Variants in DLD observed in about 807,000 individuals in gnomAD.
DLD encodes the protein dihydrolipoyl dehydrogenase, mitochondrial.
DLD carries 36 observed loss-of-function variants against 62.2 expected under a neutral mutation model. The observed-to-expected ratio is 0.58, with a 90% CI of 0.44 to 0.76. DLD has a LOEUF of 0.76. Ranked by LOEUF, DLD falls within the 30% of genes least tolerant of loss-of-function variation. The pLI is 0.00. For synonymous variants in DLD, 204 were observed against 199.6 expected (o/e 1.02, Z -0.19); for missense variants, 541 against 608.6 (o/e 0.89, Z 1.17).
At position 107,893,223 on chromosome 7, in the gene DLD, T is replaced by C; in HGVS notation, c.63T>C (p.Ser21=). The change falls in exon 2 of 14, where the codon TCT becomes TCC. Residue 21 remains serine (S), a synonymous_variant. Transcript: ENST00000205402. ...AGAGAGGCCATTTCAATCGAATATC[T>C]CATGGCCTACAGGGACTTTCTGCAG... is the stretch of plus-strand genomic sequence containing the variant. ...LAKRGHFNRI[S]HGLQGLSAVP... 6.2e-7 allele frequency: 1 copy of C among 1,613,750 alleles called. No individual in the cohort carries two copies. The highest frequency in any genetic ancestry group is 8.5e-7 in the Non-Finnish European group (1 of 1,179,792).
At chr7:107,893,840 A>G (rs958950875) in intron 2 of DLD, among the ~76,000 whole-genome samples, 1 of 152,206 alleles carries the variant, frequency 6.6e-6, no homozygotes, top group South Asian at 2.1e-4. Context: ...AGTAGTTTGG[A>G]TTATACTCCA....
At chr7:107,911,047 G>A (rs1377428087) in intron 8 of DLD, among the ~76,000 whole-genome samples, 1 of 152,048 alleles carries the variant, frequency 6.6e-6, no homozygotes, top group Non-Finnish European at 1.5e-5. Context: ...CAATTCAAAG[G>A]TTTTTAGTAT....
chr7:107,895,511 A>G (rs973752910), intron 2 of DLD, among the ~76,000 whole-genome samples: 28 of 152,104 alleles, frequency 1.8e-4, no homozygotes, highest in African/African-American at 5.6e-4. Context: ...TATCACTCAC[A>G]TTCACTACAT....
Position 107,897,875 on chromosome 7 carries a change from A to T in DLD, c.119-3863A>T, listed in dbSNP as rs57345029. Among the ~76,000 whole-genome samples the T allele has an allele frequency of 3.4e-3, 519 of 152,248 alleles. 3 individuals carry two copies. The highest frequency in any genetic ancestry group is 0.012 in the African/African-American group (482 of 41,550). On this transcript the variant is annotated intron_variant, in intron 2 of 13. Transcript: ENST00000205402. ...ATTACACAGACTGACTTCTTGAGAT[A>T]CATCTTGTAATTATATTGATGATTA...
chr7:107,916,901 G>A lies in DLD; in HGVS notation c.983G>A (p.Gly328Glu). ...AAGAATTTGGGACTAGAAGAGCTGG[G>A]AATTGAACTAGATCCCAGAGGTAGA... Reference protein sequence around the residue: ...FTKNLGLEELGIELDPRGRIP... With the variant: ...FTKNLGLEELEIELDPRGRIP... The change falls in exon 10 of 14, where the codon GGA becomes GAA. Residue 328 changes from glycine to glutamate, a missense_variant. Physicochemically the swap from Gly to Glu is moderately conservative, Grantham distance 98. Transcript: ENST00000205402. 1 of 1,613,550 alleles carries A rather than the reference G, an allele frequency of 6.2e-7. No homozygotes were observed. The highest frequency in any genetic ancestry group is 8.5e-7 in the Non-Finnish European group (1 of 1,179,938).
chr7:107,893,053 C>A (rs558255340), intron 1 of DLD, 147 bp from the exon 2 acceptor site: 104 of 554,438 alleles, frequency 1.9e-4, no homozygotes, highest in Non-Finnish European at 6.3e-5. Flanking sequence ...GGATATTGAT[C>A]TGTAGCTTCT....
intron 3 of DLD, 115 bp from the exon 4 acceptor site, chr7:107,902,210 G>T: frequency 1.1e-6 from 1 of 940,018 alleles, no homozygotes; most frequent in Non-Finnish European, 1.7e-6. Context: ...TTTAGTCTGT[G>T]AAAACATAGC....
At position 107,893,288 on chromosome 7, in the gene DLD, T is replaced by G. The variant is rs1436028319; in HGVS notation, c.118+10T>G. On this transcript the variant is annotated intron_variant, in intron 2 of 13. Transcript: ENST00000205402. The stretch of plus-strand genomic sequence containing the variant: ...TACGCAGATCAGCCGAGTAAGTACT[T>G]AAGTAAAACATTTTTTTCATCACAT... The G allele has an allele frequency of 1.2e-6, 2 of 1,606,386 alleles. No homozygotes were observed. Among genetic ancestry groups the G allele is most frequent in the Non-Finnish European group, 1.7e-6 (2 of 1,174,896 alleles).
chr7:107,913,040 A>G (rs1057263586), intron 8 of DLD, among the ~76,000 whole-genome samples: 3 of 152,114 alleles, frequency 2.0e-5, no homozygotes, highest in African/African-American at 7.2e-5. Flanking sequence ...TCCCAGCACC[A>G]TTTATCGATG....
chr7:107,905,812 C>G (rs1478279247), intron 7 of DLD: 1 of 381,086 alleles, frequency 2.6e-6, no homozygotes, highest in Non-Finnish European at 4.8e-6. Context: ...ATATAGATAC[C>G]TCAAAACAAA....
chr7:107,894,128 AT>A (rs796153820), intron 2 of DLD, among the ~76,000 whole-genome samples: 1 of 152,104 alleles, frequency 6.6e-6, no homozygotes, highest in Non-Finnish European at 1.5e-5. Context: ...TATGCATTTT[AT>A]TTTTTTAAGT....
At position 107,907,858 on chromosome 7, in the gene DLD, A is replaced by G. The variant is rs183162359; in HGVS notation, c.684+1490A>G. Among the ~76,000 whole-genome samples the G allele has an allele frequency of 1.1e-3, 169 of 152,370 alleles. 1 individual carries two copies. The highest frequency in any genetic ancestry group is 3.8e-3 in the African/African-American group (159 of 41,592). The stretch of plus-strand genomic sequence containing the variant: ...TTTTCCTTCAAAACCCAGCTTCTCA[A>G]AAGAGTTGTCCATGCTTTATTTCAT... On this transcript the variant is annotated intron_variant, in intron 8 of 13. Coordinates refer to ENST00000205402, the MANE Select transcript of DLD (RefSeq NM_000108.5).
rs1354089565 is a variant in DLD at position 107,919,877 on chromosome 7, A to G, written c.*618A>G. 1.3e-5 allele frequency: 2 copies of G among 152,690 alleles called. No individual in the cohort carries two copies. Among genetic ancestry groups the G allele is most frequent in the Non-Finnish European group, 2.9e-5 (2 of 68,310 alleles). The allele number at this position is 152,690 out of a possible 1,614,324, so 9.5% of individuals were successfully genotyped here. On this transcript the variant is annotated 3_prime_UTR_variant, in exon 14 of 14. Transcript: ENST00000205402. ...TAATTATATAGTTACCCAAATTAAG[A>G]GAGTCTATTTACGGAACTCAAATAC... is the stretch of plus-strand genomic sequence containing the variant.
chr7:107,915,065 A>G (rs968854795), intron 8 of DLD, among the ~76,000 whole-genome samples: 38 of 152,164 alleles, frequency 2.5e-4, no homozygotes, highest in African/African-American at 9.2e-4. Flanking sequence ...GTTTTGTGCA[A>G]ATGTCACTCC....
rs2032370466 is a variant in DLD at position 107,920,024 on chromosome 7, T to C, written c.*765T>C. 1 of 152,378 alleles carries C rather than the reference T, an allele frequency of 6.6e-6. No homozygotes were observed. The highest frequency in any genetic ancestry group is 2.4e-5 in the African/African-American group (1 of 41,466). The allele number at this position is 152,378 out of a possible 1,614,324, so 9.4% of individuals were successfully genotyped here. On this transcript the variant is annotated 3_prime_UTR_variant, in exon 14 of 14. Transcript: ENST00000205402. ...TCATAGTTTTTTTTATGACTACTTCTAGTGTATATTCTAATTTCTTTTCTA... is the reference window on the plus strand; with the variant it reads ...TCATAGTTTTTTTTATGACTACTTCCAGTGTATATTCTAATTTCTTTTCTA...
chr7:107,901,484 G>C (rs1190284976), intron 2 of DLD, among the ~76,000 whole-genome samples: 1 of 152,116 alleles, frequency 6.6e-6, no homozygotes, highest in African/African-American at 2.4e-5. Context: ...GAGTGTTACA[G>C]AACTCAGTTG....
intron 2 of DLD, among the ~76,000 whole-genome samples, chr7:107,894,413 G>T (rs1010986982): frequency 6.6e-6 from 1 of 152,178 alleles, no homozygotes; most frequent in African/African-American, 2.4e-5. Context: ...TCTAGAGGAA[G>T]GGTAGGGGGA....
chr7:107,894,039 C>T (rs2116166792), intron 2 of DLD, among the ~76,000 whole-genome samples: 1 of 152,246 alleles, frequency 6.6e-6, no homozygotes, highest in Non-Finnish European at 1.5e-5. Context: ...TAAAGATTAG[C>T]AGGATCTAAA....
intron 2 of DLD, among the ~76,000 whole-genome samples, chr7:107,900,465 T>C (rs904809224): frequency 3.3e-5 from 5 of 152,178 alleles, no homozygotes; most frequent in African/African-American, 1.2e-4. Context: ...AGTAGGTTTT[T>C]TTTGTGGTCT....
Sources: gnomAD v4.1 joint callset for allele counts (sites outside exome capture counted in the v4.1 genomes callset) on GRCh38, gnomAD v4.1.1 for gene constraint, MANE v1.5 for transcripts, NCBI Gene and HGNC (gene_info 2026-07-23, HGNC 2026-07-21) for gene names.